Variants in CHEK1 observed in about 807,000 individuals in gnomAD.
CHEK1 encodes the protein serine/threonine-protein kinase Chk1.
Under a neutral mutation model 60.2 loss-of-function variants are expected in CHEK1, and 32 were observed. That is an observed-to-expected ratio of 0.53 (90% CI 0.40 to 0.71). CHEK1 has a LOEUF of 0.71. Ranked by LOEUF, CHEK1 falls within the 30% of genes least tolerant of loss-of-function variation. The pLI, the probability that CHEK1 is intolerant of heterozygous loss-of-function variation, is 0.00. For missense variants in CHEK1, 399 were observed against 564.6 expected, an observed-to-expected ratio of 0.71 and a Z score of 2.97; for synonymous variants, 179 against 187.2, an observed-to-expected ratio of 0.96 and a Z score of 0.36.
At position 125,655,212 on chromosome 11, in the gene CHEK1, A is replaced by G. The variant is rs1278435175; in HGVS notation, c.1336-13A>G. The G allele has an allele frequency of 1.3e-6, 2 of 1,586,934 alleles. No individual in the cohort carries two copies. Among genetic ancestry groups the G allele is most frequent in the South Asian group, 1.1e-5 (1 of 88,358 alleles). On this transcript the variant is annotated splice_polypyrimidine_tract_variant and intron_variant, in intron 12 of 12. Transcript: ENST00000438015. ...TGTTTTGACATAATTTTTTAATACTATTTCTAATATAGGGTGATGGATTGG... is the reference window on the plus strand; with the variant it reads ...TGTTTTGACATAATTTTTTAATACTGTTTCTAATATAGGGTGATGGATTGG...
At chr11:125,658,665 T>C (rs1941960418), downstream of CHEK1, among the ~76,000 whole-genome samples, 1 of 150,694 alleles carries the variant, frequency 6.6e-6, no homozygotes, top group Non-Finnish European at 1.5e-5. Flanking sequence ...GTAATCTTCT[T>C]AAAAGCTTCA....
chr11:125,678,411 A>G (rs140653303), downstream of CHEK1: 34 of 1,289,460 alleles, frequency 2.6e-5, no homozygotes, highest in African/African-American at 4.2e-4. Flanking sequence ...CTATGGGCCT[A>G]GATTGGGCAC....
chr11:125,671,020 C>T (rs1942190907), intron 13 of CHEK1, among the ~76,000 whole-genome samples: 1 of 152,030 alleles, frequency 6.6e-6, no homozygotes, highest in Non-Finnish European at 1.5e-5. Context: ...GATTATCCCA[C>T]CTCAGCCTCC....
downstream of CHEK1, chr11:125,676,334 A>AT (rs763065065): frequency 1.2e-4 from 191 of 1,613,406 alleles, no homozygotes; most frequent in East Asian, 2.5e-4. Flanking sequence ...TCAGGCAGAA[A>AT]TTGCCTCATG....
At chr11:125,630,800 C>T (rs559975019) in intron 5 of CHEK1, among the ~76,000 whole-genome samples, 7 of 152,026 alleles carry the variant, frequency 4.6e-5, no homozygotes, top group African/African-American at 1.7e-4. Context: ...CAACATTATT[C>T]GTATATAAGA....
chr11:125,671,683 G>A (rs1192707378), intron 13 of CHEK1: 1 of 152,168 alleles, frequency 6.6e-6, no homozygotes, highest in Non-Finnish European at 1.5e-5. Context: ...TCTGCCTATA[G>A]CTCTCTGTAG....
At chr11:125,645,033 C>T (rs1409776599) in intron 11 of CHEK1, among the ~76,000 whole-genome samples, 1 of 152,038 alleles carries the variant, frequency 6.6e-6, no homozygotes, top group African/African-American at 2.4e-5. Flanking sequence ...CATAAAAATA[C>T]AAAGTAATTA....
downstream of CHEK1, among the ~76,000 whole-genome samples, chr11:125,660,287 C>A (rs1015484789): frequency 1.3e-5 from 2 of 152,184 alleles, no homozygotes; most frequent in Non-Finnish European, 2.9e-5. Flanking sequence ...CTGAGTTAAT[C>A]ATATTCAGAT....
chr11:125,676,202 C>G, exon 14 of CHEK1: 1 of 998,242 alleles, frequency 1.0e-6, no homozygotes, highest in Non-Finnish European at 1.4e-6. Flanking sequence ...GCCACCTCGC[C>G]TGGCAAGGGA....
At chr11:125,629,922 C>A (rs1375428637) in intron 5 of CHEK1, among the ~76,000 whole-genome samples, 1 of 151,794 alleles carries the variant, frequency 6.6e-6, no homozygotes, top group Admixed American at 6.6e-5. Context: ...TGGAGTCTTC[C>A]TGTGTTGCTC....
At chr11:125,649,315 T>C (rs1358914764) in intron 11 of CHEK1, among the ~76,000 whole-genome samples, 2 of 152,188 alleles carry the variant, frequency 1.3e-5, no homozygotes, top group Non-Finnish European at 2.9e-5. Context: ...GCCTCCCAAG[T>C]AGGTGGGACT....
At chr11:125,672,682 T>C (rs1942258025) in intron 13 of CHEK1, 1 of 1,614,048 alleles carries the variant, frequency 6.2e-7, no homozygotes, top group African/African-American at 1.3e-5. Context: ...GGGCACATGT[T>C]CTCACACCCT....
downstream of CHEK1, chr11:125,678,213 A>G (rs145018725): frequency 2.1e-4 from 331 of 1,614,188 alleles, 1 homozygote; most frequent in African/African-American, 3.2e-3. Context: ...AGGGTTTTCA[A>G]GTGAAAAGAA....
At chr11:125,679,590 A>G, downstream of CHEK1, among the ~76,000 whole-genome samples, 1 of 152,240 alleles carries the variant, frequency 6.6e-6, no homozygotes, top group African/African-American at 2.4e-5. Flanking sequence ...CACAAAACAG[A>G]TAATTTGATT....
intron 11 of CHEK1, among the ~76,000 whole-genome samples, chr11:125,646,478 G>GAT (rs1289385240): frequency 6.6e-6 from 1 of 152,058 alleles, no homozygotes; most frequent in Non-Finnish European, 1.5e-5. Context: ...CAATTTCTTA[G>GAT]ATATATATGG....
At chr11:125,637,654 G>A in intron 8 of CHEK1, 110 bp downstream of exon 8, 1 of 617,602 alleles carries the variant, frequency 1.6e-6, no homozygotes, top group Non-Finnish European at 2.7e-6. Flanking sequence ...CTGTCCTCAT[G>A]GAGATTATAA....
downstream of CHEK1, among the ~76,000 whole-genome samples, chr11:125,678,511 C>T (rs1942633410): frequency 6.6e-6 from 1 of 152,084 alleles, no homozygotes; most frequent in South Asian, 2.1e-4. Context: ...CAGAGGCCAC[C>T]TCTGGGATTG....
chr11:125,679,216 CTT>C (rs71045115), downstream of CHEK1, among the ~76,000 whole-genome samples: 104 of 121,006 alleles, frequency 8.6e-4, 1 homozygote, highest in Non-Finnish European at 1.3e-3. Flanking sequence ...CCGTCTCTTT[CTT>C]TTTTTTTTTT....
At chr11:125,677,974 C>T (rs34788353), downstream of CHEK1, 103,802 of 1,614,024 alleles carry the variant, frequency 0.064, 3,776 homozygotes, top group African/African-American at 0.12. Flanking sequence ...GGCTGTTCTC[C>T]GGAGAGGTGT....
Sources: allele counts gnomAD v4.1 joint callset (sites outside exome capture counted in the v4.1 genomes callset), GRCh38; gene constraint gnomAD v4.1.1; transcripts MANE v1.5; gene names NCBI Gene and HGNC (gene_info 2026-07-23, HGNC 2026-07-21).